Variants in ST8SIA1 observed in about 807,000 individuals in gnomAD.
The protein encoded by ST8SIA1 is ST8 alpha-N-acetyl-neuraminide alpha-2,8-sialyltransferase 1.
ST8SIA1 carries 16 observed loss-of-function variants against 35.9 expected under a neutral mutation model. The observed-to-expected ratio is 0.45, with a 90% CI of 0.30 to 0.68. ST8SIA1 has a LOEUF of 0.68. ST8SIA1 is among the 30% of genes least tolerant of loss of function. The pLI is 0.09. For synonymous variants in ST8SIA1, 170 were observed against 169.6 expected (o/e 1.00, Z -0.02); for missense variants, 383 against 453.6 (o/e 0.84, Z 1.41).
intron 4 of ST8SIA1, among the ~76,000 whole-genome samples, chr12:22,241,908 A>G (rs1268725603): frequency 6.6e-6 from 1 of 152,032 alleles, no homozygotes; most frequent in African/African-American, 2.4e-5. Flanking sequence ...TTCAAACTCC[A>G]TATGTATATT....
chr12:22,201,899 C>T lies in ST8SIA1; in HGVS notation c.724G>A (p.Val242Ile). The T allele has an allele frequency of 6.2e-7, 1 of 1,614,158 alleles. No individual in the cohort carries two copies. Among genetic ancestry groups the T allele is most frequent in the Non-Finnish European group, 8.5e-7 (1 of 1,179,984 alleles). ...AACAGCACTGTTTGATTGGCACCAA[C>T]ATCTGACAGTGTATAATAAACCCTC... is the stretch of plus-strand genomic sequence containing the variant. ...SLRVYYTLSD[V>I]GANQTVLFAN... The change falls in exon 5 of 5, where the codon GTT (valine) becomes ATT (isoleucine). Residue 242 changes from valine (V) to isoleucine (I), a missense_variant. Transcript: ENST00000396037.
At position 22,198,567 on chromosome 12, in the gene ST8SIA1, ACTC is replaced by A. The variant is rs1470327009; in HGVS notation, c.*2982_*2984del. On this transcript the variant is annotated 3_prime_UTR_variant, in exon 5 of 5. Transcript: ENST00000396037. ...CACACACACACACACACACACACAC[ACTC>A]CTATCTAACCAATTATGTCCAAAAG... is the stretch of plus-strand genomic sequence containing the variant. The A allele has an allele frequency of 7.0e-6, 1 of 143,328 alleles. No homozygotes were observed. The highest frequency in any genetic ancestry group is 2.6e-5 in the African/African-American group (1 of 38,772). The allele number at this position is 143,328 out of a possible 1,614,324, so 8.9% of individuals were successfully genotyped here.
chr12:22,315,862 A>T (rs1245586561), intron 1 of ST8SIA1, among the ~76,000 whole-genome samples: 1 of 152,156 alleles, frequency 6.6e-6, no homozygotes, highest in Admixed American at 6.6e-5. Context: ...CGGGATAAAC[A>T]GATAATGCCT....
At chr12:22,280,513 T>C (rs1866019941) in intron 2 of ST8SIA1, among the ~76,000 whole-genome samples, 1 of 152,106 alleles carries the variant, frequency 6.6e-6, no homozygotes, top group South Asian at 2.1e-4. Flanking sequence ...TCCTGAGCCA[T>C]AATCGGTCTT....
chr12:22,277,366 C>CTTTTTTT (rs34650104), intron 2 of ST8SIA1, among the ~76,000 whole-genome samples: 1 of 124,824 alleles, frequency 8.0e-6, no homozygotes. Context: ...TAATAGTGAA[C>CTTTTTTT]TTTTTTTTTT....
chr12:22,207,079 C>A (rs1490683434), intron 4 of ST8SIA1, among the ~76,000 whole-genome samples: 1 of 152,166 alleles, frequency 6.6e-6, no homozygotes, highest in Admixed American at 6.5e-5. Flanking sequence ...AAAAATACAG[C>A]TCCAGATGAA....
chr12:22,254,390 A>T lies in ST8SIA1; in HGVS notation c.491+890T>A, dbSNP rs1263194525. ...CCTCACCCCTGCTCTGAATGACCCC[A>T]TCATCTGACCCCATCCTTTCTCCTT... On this transcript the variant is annotated intron_variant, in intron 3 of 4. Transcript: ENST00000396037. Among the ~76,000 whole-genome samples the T allele has an allele frequency of 2.0e-5, 3 of 151,670 alleles. No homozygotes were observed. In the East Asian group the frequency reaches 5.9e-4, roughly 30 times the overall value.
In ST8SIA1 at chr12:22,334,533, G is replaced by A. The variant is rs2135852442; in HGVS notation, c.-301C>T. The A allele has an allele frequency of 9.0e-6, 4 of 445,956 alleles. No homozygotes were observed. In the South Asian group the frequency reaches 1.1e-4, roughly 13 times the overall value. The allele number at this position is 445,956 out of a possible 1,614,324, so 27.6% of individuals were successfully genotyped here. On this transcript the variant is annotated 5_prime_UTR_variant, in exon 1 of 5. Transcript: ENST00000396037. ...GCTGGGGTCTCCGAGTGCGCAGAGA[G>A]CGGCGGCGGCGAGTCGCTCCCGCCG...
intron 2 of ST8SIA1, chr12:22,286,378 T>C: frequency 2.0e-6 from 1 of 508,670 alleles, no homozygotes; most frequent in Non-Finnish European, 3.9e-6. Flanking sequence ...CAGTCCCACT[T>C]TCTAAGGCTT....
chr12:22,333,325 C>A (rs55902514), intron 1 of ST8SIA1, among the ~76,000 whole-genome samples: 9,244 of 152,238 alleles, frequency 0.061, 375 homozygotes, highest in South Asian at 0.11. Context: ...AATCCAGCAC[C>A]CACAGGTCAA....
At chr12:22,202,494 TATAA>T (rs1173646784) in intron 4 of ST8SIA1, among the ~76,000 whole-genome samples, 1 of 152,230 alleles carries the variant, frequency 6.6e-6, no homozygotes, top group Non-Finnish European at 1.5e-5. Flanking sequence ...TCTATGATTC[TATAA>T]ATATTCAGAT....
At chr12:22,282,953 G>A (rs555853529) in intron 2 of ST8SIA1, among the ~76,000 whole-genome samples, 37 of 152,074 alleles carry the variant, frequency 2.4e-4, no homozygotes, top group Non-Finnish European at 5.1e-4. Flanking sequence ...AGGGATATCC[G>A]GGAGCTCAGA....
chr12:22,235,929 C>T (rs913434223), intron 4 of ST8SIA1, among the ~76,000 whole-genome samples: 8 of 151,970 alleles, frequency 5.3e-5, no homozygotes, highest in South Asian at 2.1e-4. Context: ...CACATACACA[C>T]GCTAATGTCA....
At position 22,255,294 on chromosome 12, in the gene ST8SIA1, T is replaced by C; in HGVS notation, c.477A>G (p.Ala159=). ...KSGCGRQIDE[A]NFVMRCNLPP... is the part of the protein sequence containing the mutation. Reference sequence around the variant, plus strand: ...CTCTCTCTTACCGCATGACAAAATTTGCTTCATCTATTTGACGGCCACAGC... The same window carrying C: ...CTCTCTCTTACCGCATGACAAAATTCGCTTCATCTATTTGACGGCCACAGC... Residue 159 remains alanine (A), a synonymous_variant, in exon 3 of 5, where the codon GCA becomes GCG. Coordinates refer to ENST00000396037, the MANE Select transcript of ST8SIA1 (RefSeq NM_003034.4). 1 of 1,614,178 alleles carries C rather than the reference T, an allele frequency of 6.2e-7. No homozygotes were observed. Among genetic ancestry groups the C allele is most frequent in the Non-Finnish European group, 8.5e-7 (1 of 1,179,992 alleles).
At chr12:22,261,718 C>G (rs888877832) in intron 2 of ST8SIA1, among the ~76,000 whole-genome samples, 9 of 152,120 alleles carry the variant, frequency 5.9e-5, no homozygotes, top group Admixed American at 5.9e-4. Flanking sequence ...CCCCATCACT[C>G]TAAATATGAA....
intron 4 of ST8SIA1, among the ~76,000 whole-genome samples, chr12:22,219,868 A>G (rs546750225): frequency 1.3e-5 from 2 of 152,306 alleles, no homozygotes; most frequent in South Asian, 4.1e-4. Context: ...CTTGACCCAC[A>G]TAGAGGAATC....
Position 22,291,128 on chromosome 12 carries a change from A to C in ST8SIA1, c.237-3835T>G, listed in dbSNP as rs113079406. The stretch of plus-strand genomic sequence containing the variant: ...GTTCTTATCCCTCCTAATGGAATTC[A>C]TAAGATCAATTAAGCCAAGAAGCCC... On this transcript the variant is annotated intron_variant, in intron 1 of 4. Transcript: ENST00000396037. 5.1e-4 allele frequency among the ~76,000 whole-genome samples: 78 copies of C among 152,324 alleles called. 2 individuals are homozygous for C. Among genetic ancestry groups the C allele is most frequent in the African/African-American group, 1.8e-3 (76 of 41,560 alleles).
At position 22,268,964 on chromosome 12, in the gene ST8SIA1, A is replaced by G. The variant is rs542875057; in HGVS notation, c.382-13575T>C. ...ATTAATGTAAAAGCTCCTCATTTTT[A>G]AAAGTTGGCATATAGTTCAAATGAT... is the stretch of plus-strand genomic sequence containing the variant. On this transcript the variant is annotated intron_variant, in intron 2 of 4. Coordinates refer to ENST00000396037, the MANE Select transcript of ST8SIA1 (RefSeq NM_003034.4). 2.5e-3 allele frequency among the ~76,000 whole-genome samples: 388 copies of G among 152,312 alleles called. 3 individuals are homozygous for G. The highest frequency in any genetic ancestry group is 8.8e-3 in the African/African-American group (365 of 41,560).
chr12:22,280,737 C>G (rs1396101692), intron 2 of ST8SIA1, among the ~76,000 whole-genome samples: 1 of 152,186 alleles, frequency 6.6e-6, no homozygotes, highest in African/African-American at 2.4e-5. Context: ...ATTGCACTAC[C>G]TCACTTCTAA....
Sources: allele counts gnomAD v4.1 joint callset (sites outside exome capture counted in the v4.1 genomes callset), GRCh38; gene constraint gnomAD v4.1.1; transcripts MANE v1.5; gene names NCBI Gene and HGNC (gene_info 2026-07-23, HGNC 2026-07-21).